The following DNAH6 variants were observed in gnomAD, a reference collection of about 807,000 sequenced individuals.
DNAH6 encodes axonemal beta dynein heavy chain 6.
A neutral mutation model predicts 491.4 loss-of-function variants in DNAH6; 340 were observed. That is an observed-to-expected ratio of 0.69 (90% confidence interval 0.63 to 0.76). DNAH6 has a LOEUF of 0.76. DNAH6 is among the 30% of genes least tolerant of loss of function. DNAH6 has a pLI of 0.00. For synonymous variants in DNAH6, 1,603 were observed against 1,686.1 expected, an observed-to-expected ratio of 0.95 and a Z score of 1.21; for missense variants, 4,443 against 4,972.2, an observed-to-expected ratio of 0.89 and a Z score of 3.20.
chr2:84,522,753 G>A (rs773215472), intron 2 of DNAH6, among the ~76,000 whole-genome samples: 3 of 151,990 alleles, frequency 2.0e-5, no homozygotes, highest in Non-Finnish European at 4.4e-5. Flanking sequence ...TTCTGTTTCT[G>A]TGATGAATCA....
intron 20 of DNAH6, 25 bp downstream of exon 20, chr2:84,605,617 T>A (rs932070332): frequency 6.7e-7 from 1 of 1,485,512 alleles, no homozygotes. Context: ...TATTGAAAAC[T>A]TATGGTAAAG....
chr2:84,640,346 G>A, intron 31 of DNAH6, 84 bp from the exon 32 acceptor site: 2 of 856,564 alleles, frequency 2.3e-6, no homozygotes, highest in Non-Finnish European at 3.5e-6. Context: ...AATGTTTAGA[G>A]TCAATTTTGA....
chr2:84,490,315 G>A, the DNAH6 span, among the ~76,000 whole-genome samples: 4 of 148,082 alleles, frequency 2.7e-5, no homozygotes, highest in East Asian at 2.0e-4. Context: ...ACTTTTTCTT[G>A]TATAATTTAA....
chr2:84,513,742 C>G (rs1342798591), upstream of DNAH6, among the ~76,000 whole-genome samples: 1 of 151,868 alleles, frequency 6.6e-6, no homozygotes, highest in Non-Finnish European at 1.5e-5. Flanking sequence ...TGATGCCTTT[C>G]TCTTCATGGG....
Position 84,710,437 on chromosome 2 carries a change from A to T in DNAH6, c.9378+25A>T, listed in dbSNP as rs970052170. 3.9e-6 allele frequency: 6 copies of T among 1,550,122 alleles called. No homozygotes were observed. In the African/African-American group the frequency reaches 5.5e-5, roughly 14 times the overall value. ...GGTTTGATTTTCACTTCCTTTTCTC[A>T]TGTCAGTTCCCAACTTTCAAATCAT... On this transcript the variant is annotated intron_variant, in intron 56 of 76. Coordinates refer to ENST00000389394, the MANE Select transcript of DNAH6 (RefSeq NM_001370.2).
At chr2:84,540,987 AAC>A (rs1196535737) in intron 4 of DNAH6, among the ~76,000 whole-genome samples, 2 of 152,212 alleles carry the variant, frequency 1.3e-5, no homozygotes, top group East Asian at 1.9e-4. Context: ...GGAATTTTAT[AAC>A]ACAGCAGTTG....
intron 4 of DNAH6, among the ~76,000 whole-genome samples, chr2:84,543,198 T>C (rs1678438969): frequency 6.6e-6 from 1 of 151,954 alleles, no homozygotes; most frequent in Non-Finnish European, 1.5e-5. Context: ...TAATAATAAA[T>C]AAAATAAAGG....
the DNAH6 span, among the ~76,000 whole-genome samples, chr2:84,505,062 C>T: frequency 6.6e-6 from 1 of 152,126 alleles, no homozygotes; most frequent in Non-Finnish European, 1.5e-5. Flanking sequence ...CAGCATGAGT[C>T]TTGCATGTCT....
At chr2:84,555,145 T>G (rs1679889675) in intron 10 of DNAH6, among the ~76,000 whole-genome samples, 1 of 152,236 alleles carries the variant, frequency 6.6e-6, no homozygotes, top group East Asian at 1.9e-4. Context: ...TCATTCCCAA[T>G]GATTCCAAGC....
Position 84,713,268 on chromosome 2 carries a change from T to A in DNAH6, c.9543+9T>A. The A allele has an allele frequency of 6.5e-7, 1 of 1,549,690 alleles. No homozygotes were observed. The highest frequency in any genetic ancestry group is 8.7e-7 in the Non-Finnish European group (1 of 1,145,722). The stretch of plus-strand genomic sequence containing the variant: ...CCCACTATCTGCCTGAGGTATGAAC[T>A]ACTGGTCTGGAATTCTCAACTTAAC... On this transcript the variant is annotated intron_variant, in intron 57 of 76. Coordinates refer to ENST00000389394, the MANE Select transcript of DNAH6 (RefSeq NM_001370.2).
intron 60 of DNAH6, among the ~76,000 whole-genome samples, chr2:84,726,413 G>A (rs1372656845): frequency 6.6e-6 from 1 of 152,148 alleles, no homozygotes; most frequent in Non-Finnish European, 1.5e-5. Context: ...TGACTTCCAT[G>A]GAAGGCCACA....
rs1242289462 is a variant in DNAH6 at position 84,727,878 on chromosome 2, C to G, written c.10182C>G (p.Leu3394=). 6.4e-7 allele frequency: 1 copy of G among 1,551,426 alleles called. No individual in the cohort carries two copies. The highest frequency in any genetic ancestry group is 1.2e-5 in the South Asian group (1 of 84,014). The change falls in exon 61 of 77, where the codon CTC becomes CTG. Residue 3394 remains leucine, a synonymous_variant. Transcript: ENST00000389394. ...CTGATGCTGAATGGAATTTCTTTCT[C>G]CGAGGTTCTGCAGGATTGGAAAAGG... ...TLSDAEWNFF[L]RGSAGLEKER...
upstream of DNAH6, among the ~76,000 whole-genome samples, chr2:84,516,037 G>A (rs1420381636): frequency 1.3e-5 from 2 of 152,218 alleles, no homozygotes; most frequent in African/African-American, 4.8e-5. Flanking sequence ...CAGGGATGCA[G>A]AGTGGTTGCT....
chr2:84,530,935 G>A (rs180803551), intron 4 of DNAH6, among the ~76,000 whole-genome samples: 103 of 152,276 alleles, frequency 6.8e-4, no homozygotes, highest in Middle Eastern at 3.4e-3. Flanking sequence ...CCAAGATCAT[G>A]GAGGCACGCC....
chr2:84,669,052 A>G (rs1692461261), intron 37 of DNAH6, among the ~76,000 whole-genome samples: 1 of 152,140 alleles, frequency 6.6e-6, no homozygotes, highest in African/African-American at 2.4e-5. Context: ...AAGCTATACA[A>G]TTCTGACATG....
chr2:84,517,884 G>A lies in DNAH6; in HGVS notation c.58G>A (p.Glu20Lys). 6.4e-7 allele frequency: 1 copy of A among 1,551,674 alleles called. No individual in the cohort carries two copies. Among genetic ancestry groups the A allele is most frequent in the Non-Finnish European group, 8.7e-7 (1 of 1,146,982 alleles). ...FDLTNIEEYA[E>K]NSALSRLNNI... The stretch of plus-strand genomic sequence containing the variant: ...CCTGACAAATATTGAAGAGTATGCC[G>A]AAAATTCTGCACTTTCAAGACTGAA... The change falls in exon 2 of 77, where the codon GAA becomes AAA. Residue 20 changes from glutamate to lysine, a missense_variant. Transcript: ENST00000389394.
intron 31 of DNAH6, among the ~76,000 whole-genome samples, chr2:84,639,753 C>A (rs1480394120): frequency 6.6e-6 from 1 of 152,048 alleles, no homozygotes; most frequent in Non-Finnish European, 1.5e-5. Context: ...CTACTGTGTG[C>A]AGAGCACTGT....
chr2:84,514,281 G>C (rs1011433800), upstream of DNAH6, among the ~76,000 whole-genome samples: 1 of 152,124 alleles, frequency 6.6e-6, no homozygotes, highest in African/African-American at 2.4e-5. Context: ...AGAAATTTAA[G>C]TTGATGGATC....
At chr2:84,471,703 C>A in the DNAH6 span, among the ~76,000 whole-genome samples, 2 of 152,188 alleles carry the variant, frequency 1.3e-5, no homozygotes, top group African/African-American at 4.8e-5. Context: ...AGGGCATCCA[C>A]GTGGTTCGTT....
Sources: gnomAD v4.1 joint callset for allele counts (sites outside exome capture counted in the v4.1 genomes callset) on GRCh38, gnomAD v4.1.1 for gene constraint, MANE v1.5 for transcripts, NCBI Gene and HGNC (gene_info 2026-07-23, HGNC 2026-07-21) for gene names.